The following DIP2C variants were observed in gnomAD, a reference collection of about 807,000 sequenced individuals.
The protein encoded by DIP2C is disco-interacting protein 2 homolog C.
In DIP2C, 33 loss-of-function variants were observed where a neutral mutation model predicts 192.4. The ratio of observed to expected loss-of-function variants is 0.17; its 90% CI spans 0.13 to 0.23. The LOEUF (loss-of-function observed/expected upper bound fraction) is 0.23, where lower values mean the gene tolerates loss of function less well. Ranked by LOEUF, DIP2C falls within the 10% of genes least tolerant of loss-of-function variation. The pLI is 1.00. For missense variants in DIP2C, 1,537 were observed against 2,110.1 expected (o/e 0.73, Z 5.32); for synonymous variants, 979 against 864.1 (o/e 1.13, Z -2.33).
At chr10:416,593 G>A (rs919544471) in intron 6 of DIP2C, among the ~76,000 whole-genome samples, 3 of 152,090 alleles carry the variant, frequency 2.0e-5, no homozygotes, top group African/African-American at 7.2e-5. Context: ...CTATCCAAGT[G>A]GACCGAGAAA....
At chr10:435,034 C>T (rs1967064094) in intron 4 of DIP2C, among the ~76,000 whole-genome samples, 2 of 152,198 alleles carry the variant, frequency 1.3e-5, no homozygotes. Context: ...TGGTGTCTGG[C>T]ATTAATCTGA....
intron 29 of DIP2C, among the ~76,000 whole-genome samples, chr10:334,531 C>T (rs1037902164): frequency 6.6e-6 from 1 of 151,790 alleles, no homozygotes; most frequent in South Asian, 2.1e-4. Flanking sequence ...TGAAAATTTA[C>T]TCCTGTGTTT....
chr10:466,931 G>T (rs373908252), intron 3 of DIP2C, among the ~76,000 whole-genome samples: 1 of 148,660 alleles, frequency 6.7e-6, no homozygotes, highest in Non-Finnish European at 1.5e-5. Context: ...TTACACTGTT[G>T]GTGGGACTGT....
rs146509945 is a variant in DIP2C at position 417,089 on chromosome 10, T to C, written c.740-1201A>G. The stretch of plus-strand genomic sequence containing the variant: ...CAGAAAAACACACAATCCAGAACTC[T>C]CAATATCCACACATAGTATGTTCCC... On this transcript the variant is annotated intron_variant, in intron 6 of 36. Transcript: ENST00000280886. 3.1e-3 allele frequency among the ~76,000 whole-genome samples: 476 copies of C among 152,306 alleles called. 2 individuals carry two copies. Among genetic ancestry groups the C allele is most frequent in the Non-Finnish European group, 5.4e-3 (368 of 68,020 alleles).
chr10:595,572 C>T (rs964501326), intron 1 of DIP2C, among the ~76,000 whole-genome samples: 1 of 152,108 alleles, frequency 6.6e-6, no homozygotes, highest in Admixed American at 6.5e-5. Flanking sequence ...TTTGCATCTA[C>T]CTTGAAGCCT....
intron 4 of DIP2C, among the ~76,000 whole-genome samples, chr10:423,716 T>G (rs1026756523): frequency 1.3e-5 from 2 of 151,790 alleles, no homozygotes; most frequent in South Asian, 2.1e-4. Flanking sequence ...GATTTATTTC[T>G]ACGTCGGTGT....
intron 1 of DIP2C, among the ~76,000 whole-genome samples, chr10:621,510 GCA>G (rs1433836036): frequency 6.6e-6 from 1 of 152,224 alleles, no homozygotes; most frequent in Non-Finnish European, 1.5e-5. Flanking sequence ...CCCCAGGGGT[GCA>G]CACACACTCT....
At chr10:630,168 C>G (rs961406815) in intron 1 of DIP2C, 6 of 152,216 alleles carry the variant, frequency 3.9e-5, no homozygotes, top group Non-Finnish European at 8.8e-5. Flanking sequence ...CCGAGACTCA[C>G]GGAACGACGC....
At chr10:332,780 C>T (rs577823434) in intron 29 of DIP2C, among the ~76,000 whole-genome samples, 75 of 152,342 alleles carry the variant, frequency 4.9e-4, no homozygotes, top group African/African-American at 1.7e-3. Flanking sequence ...ACTCTCCTAA[C>T]TTGGGAATTC....
intron 1 of DIP2C, among the ~76,000 whole-genome samples, chr10:548,419 A>G (rs186273618): frequency 0.01 from 1,422 of 135,498 alleles, 29 homozygotes; most frequent in African/African-American, 0.037. Context: ...GGCAGTCAGC[A>G]GGAGCCGCGG....
chr10:517,543 T>C (rs535030534), intron 1 of DIP2C, among the ~76,000 whole-genome samples: 24 of 152,320 alleles, frequency 1.6e-4, no homozygotes, highest in African/African-American at 5.5e-4. Flanking sequence ...AAAAGCCTCC[T>C]GCTGGCGGTG....
At chr10:487,487 C>G (rs1844096418) in intron 1 of DIP2C, among the ~76,000 whole-genome samples, 1 of 151,978 alleles carries the variant, frequency 6.6e-6, no homozygotes, top group African/African-American at 2.4e-5. Flanking sequence ...TCTCGTCTCC[C>G]CCACGGAACA....
intron 1 of DIP2C, among the ~76,000 whole-genome samples, chr10:494,156 G>C (rs1049618983): frequency 3.2e-4 from 49 of 152,332 alleles, no homozygotes; most frequent in Middle Eastern, 6.8e-3. Flanking sequence ...TTCTTCATCA[G>C]AAAGTGCTTT....
intron 31 of DIP2C, among the ~76,000 whole-genome samples, chr10:326,367 C>G (rs1226474251): frequency 6.6e-6 from 1 of 152,214 alleles, no homozygotes; most frequent in Non-Finnish European, 1.5e-5. Flanking sequence ...TAAGCAATCA[C>G]TCTGGGATCA....
chr10:325,039 G>A (rs746218808), intron 31 of DIP2C: 1 of 490,934 alleles, frequency 2.0e-6, no homozygotes, highest in South Asian at 1.5e-5. Flanking sequence ...GCAAAGGAAG[G>A]CGGATCATGA....
At chr10:366,241 G>C in intron 19 of DIP2C, 34 bp downstream of exon 19, 1 of 1,607,728 alleles carries the variant, frequency 6.2e-7, no homozygotes. Context: ...CGGAGCCACA[G>C]ATGGTGCCCA....
chr10:474,899 G>A (rs953016729), intron 2 of DIP2C, among the ~76,000 whole-genome samples: 17 of 152,074 alleles, frequency 1.1e-4, no homozygotes, highest in Admixed American at 2.0e-4. Context: ...CACTGGAGGA[G>A]CTGCAAGCCA....
chr10:384,735 G>T (rs537480405), intron 14 of DIP2C, 96 bp from the exon 15 acceptor site: 12 of 1,258,864 alleles, frequency 9.5e-6, no homozygotes, highest in East Asian at 4.7e-5. Context: ...GCACGGGCAG[G>T]GGGGAGCTCT....
intron 1 of DIP2C, among the ~76,000 whole-genome samples, chr10:688,786 A>AC (rs1831426223): frequency 6.6e-6 from 1 of 152,248 alleles, no homozygotes; most frequent in South Asian, 2.1e-4. Flanking sequence ...CTGATCTGCC[A>AC]CAAACCCTCC....
Sources: allele counts gnomAD v4.1 joint callset (sites outside exome capture counted in the v4.1 genomes callset), GRCh38; gene constraint gnomAD v4.1.1; transcripts MANE v1.5; gene names NCBI Gene and HGNC (gene_info 2026-07-23, HGNC 2026-07-21).